CCDC148: variants seen among roughly 807,000 people sequenced by gnomAD.
CCDC148 encodes coiled-coil domain containing 148, also known as coiled-coil domain-containing protein 148.
Under a neutral mutation model 85.7 loss-of-function variants are expected in CCDC148, and 89 were observed. The ratio of observed to expected loss-of-function variants is 1.04; its 90% CI spans 0.87 to 1.24. The LOEUF is 1.24. Among genes scored for constraint, CCDC148 ranks in the 50% most tolerant of loss-of-function variants. The pLI is 0.00. For synonymous variants in CCDC148, 230 were observed against 213.9 expected, an observed-to-expected ratio of 1.08 and a Z score of -0.66; for missense variants, 692 against 671.7, an observed-to-expected ratio of 1.03 and a Z score of -0.33.
intron 2 of CCDC148, among the ~76,000 whole-genome samples, chr2:158,357,998 G>A (rs1444533358): frequency 2.0e-5 from 3 of 152,104 alleles, no homozygotes; most frequent in Non-Finnish European, 1.5e-5. Flanking sequence ...TTCAAATCTA[G>A]CCTAGGTTCA....
At chr2:158,268,458 G>A (rs1483993322) in intron 9 of CCDC148, among the ~76,000 whole-genome samples, 2 of 151,970 alleles carry the variant, frequency 1.3e-5, no homozygotes, top group Non-Finnish European at 2.9e-5. Context: ...CAGATTTATT[G>A]AGGTATAATT....
chr2:158,348,543 AATT>A (rs1422803565), intron 2 of CCDC148, among the ~76,000 whole-genome samples: 6 of 152,038 alleles, frequency 3.9e-5, no homozygotes, highest in African/African-American at 1.2e-4. Flanking sequence ...ATATATTTGA[AATT>A]ATTAAGACAT....
chr2:158,280,055 C>A (rs542814211), intron 9 of CCDC148, among the ~76,000 whole-genome samples: 64 of 151,718 alleles, frequency 4.2e-4, no homozygotes, highest in Middle Eastern at 3.4e-3. Context: ...GAAATAAAAT[C>A]CTTTACAGAC....
chr2:158,195,201 C>T (rs1458364240), intron 11 of CCDC148, among the ~76,000 whole-genome samples: 1 of 152,022 alleles, frequency 6.6e-6, no homozygotes, highest in East Asian at 1.9e-4. Flanking sequence ...GTATCTTATG[C>T]TTTTCCCACT....
At chr2:158,324,327 T>C (rs1692663260) in intron 7 of CCDC148, among the ~76,000 whole-genome samples, 1 of 152,304 alleles carries the variant, frequency 6.6e-6, no homozygotes, top group Admixed American at 6.5e-5. Context: ...AAAGTCCATG[T>C]TCTATAAACT....
intron 7 of CCDC148, among the ~76,000 whole-genome samples, chr2:158,325,414 C>T (rs749282538): frequency 6.6e-6 from 1 of 152,182 alleles, no homozygotes; most frequent in Non-Finnish European, 1.5e-5. Flanking sequence ...ATCTCACAGA[C>T]ATTTTCTCAG....
chr2:158,298,263 G>A (rs1437646475), intron 9 of CCDC148, among the ~76,000 whole-genome samples: 1 of 152,142 alleles, frequency 6.6e-6, no homozygotes, highest in African/African-American at 2.4e-5. Flanking sequence ...GATTTGGGTA[G>A]GGATACAGCC....
intron 9 of CCDC148, among the ~76,000 whole-genome samples, chr2:158,286,173 T>A (rs975467176): frequency 7.9e-5 from 12 of 152,140 alleles, no homozygotes; most frequent in Non-Finnish European, 1.8e-4. Flanking sequence ...AAGACACAGT[T>A]TTTTTAAAGA....
chr2:158,420,768 C>T (rs956424836), intron 1 of CCDC148, among the ~76,000 whole-genome samples: 2 of 152,114 alleles, frequency 1.3e-5, no homozygotes, highest in Admixed American at 6.5e-5. Context: ...GGGCTAAATG[C>T]TTCAATTAAA....
intron 1 of CCDC148, among the ~76,000 whole-genome samples, chr2:158,385,172 C>A (rs748019615): frequency 6.6e-6 from 1 of 152,130 alleles, no homozygotes; most frequent in Non-Finnish European, 1.5e-5. Flanking sequence ...TTTCTCTAGA[C>A]CTAAATTTAA....
In CCDC148 at chr2:158,256,009, C is replaced by G. The variant is rs1309888478; in HGVS notation, c.1111-5097G>C. Reference sequence around the variant, plus strand: ...TTAGTAGCATTACATGTACTCCTCACTCTTAATGTACAGTAAAGTGGTTCA... The same window carrying G: ...TTAGTAGCATTACATGTACTCCTCAGTCTTAATGTACAGTAAAGTGGTTCA... On this transcript the variant is annotated intron_variant, in intron 9 of 13. Transcript: ENST00000283233. Among the ~76,000 whole-genome samples the G allele has an allele frequency of 3.3e-5, 5 of 151,878 alleles. No homozygotes were observed. The East Asian group carries it at 9.7e-4, about 29-fold the overall frequency.
intron 1 of CCDC148, among the ~76,000 whole-genome samples, chr2:158,451,679 T>C (rs550376084): frequency 1.3e-5 from 2 of 152,122 alleles, no homozygotes; most frequent in South Asian, 4.2e-4. Context: ...TAAAGGGCTT[T>C]GATATGGGAG....
chr2:158,388,146 T>C (rs1297984517), intron 1 of CCDC148, among the ~76,000 whole-genome samples: 3 of 152,238 alleles, frequency 2.0e-5, no homozygotes, highest in Non-Finnish European at 1.5e-5. Context: ...CAGTTTTCTA[T>C]TGGTAACTCT....
chr2:158,264,807 C>T (rs928999323), intron 9 of CCDC148, among the ~76,000 whole-genome samples: 3 of 152,030 alleles, frequency 2.0e-5, no homozygotes, highest in African/African-American at 7.2e-5. Flanking sequence ...ACAATACGTT[C>T]GTGGAAATGG....
chr2:158,213,576 G>A (rs184460284), intron 11 of CCDC148, among the ~76,000 whole-genome samples: 1 of 152,272 alleles, frequency 6.6e-6, no homozygotes, highest in East Asian at 1.9e-4. Context: ...ATGTAAAGGG[G>A]AGAAAGGCCC....
At chr2:158,215,386 A>G (rs1686795733) in intron 11 of CCDC148, among the ~76,000 whole-genome samples, 1 of 152,214 alleles carries the variant, frequency 6.6e-6, no homozygotes, top group South Asian at 2.1e-4. Context: ...AAAATGACCC[A>G]TGACCCAGAG....
chr2:158,186,518 T>C (rs1361761576), intron 11 of CCDC148, among the ~76,000 whole-genome samples: 3 of 152,084 alleles, frequency 2.0e-5, no homozygotes, highest in Non-Finnish European at 4.4e-5. Context: ...AAGATTTCCA[T>C]TGTTCAACAA....
At chr2:158,360,232 G>A (rs1395614269) in intron 1 of CCDC148, among the ~76,000 whole-genome samples, 1 of 152,188 alleles carries the variant, frequency 6.6e-6, no homozygotes, top group Non-Finnish European at 1.5e-5. Context: ...TGGAGGAAGG[G>A]GCAGCTGTGA....
At chr2:158,392,416 C>G (rs1463522780) in intron 1 of CCDC148, among the ~76,000 whole-genome samples, 1 of 152,032 alleles carries the variant, frequency 6.6e-6, no homozygotes, top group African/African-American at 2.4e-5. Flanking sequence ...TCCCAAATCC[C>G]AAAATCCAAA....
Sources: allele counts gnomAD v4.1 joint callset (sites outside exome capture counted in the v4.1 genomes callset), GRCh38; gene constraint gnomAD v4.1.1; transcripts MANE v1.5; gene names NCBI Gene and HGNC (gene_info 2026-07-23, HGNC 2026-07-21).